CDH13: variants seen among roughly 807,000 people sequenced by gnomAD.
The protein encoded by CDH13 is cadherin-13.
Under a neutral mutation model 63.8 loss-of-function variants are expected in CDH13, and 24 were observed. The observed-to-expected ratio is 0.38, with a 90% CI of 0.27 to 0.53. The LOEUF is 0.53. CDH13 is among the 20% of genes least tolerant of loss of function. CDH13 has a pLI of 0.85. For synonymous variants in CDH13, 503 were observed against 355.3 expected, an observed-to-expected ratio of 1.42 and a Z score of -4.67; for missense variants, 1,049 against 903.1, an observed-to-expected ratio of 1.16 and a Z score of -2.07.
At chr16:83,415,526 G>A (rs1340590530) in intron 6 of CDH13, among the ~76,000 whole-genome samples, 6 of 152,136 alleles carry the variant, frequency 3.9e-5, no homozygotes, top group Non-Finnish European at 7.4e-5. Flanking sequence ...CAAAATACTA[G>A]CAAACTGAAT....
intron 1 of CDH13, among the ~76,000 whole-genome samples, chr16:82,845,507 C>T (rs567934050): frequency 2.0e-5 from 3 of 152,172 alleles, no homozygotes; most frequent in African/African-American, 7.2e-5. Context: ...CCACCAGCAT[C>T]ATCCTCTATT....
chr16:82,777,216 G>A (rs929722680), intron 1 of CDH13, among the ~76,000 whole-genome samples: 7 of 152,086 alleles, frequency 4.6e-5, no homozygotes, highest in African/African-American at 1.7e-4. Flanking sequence ...CAATCCTCTC[G>A]CCTCCACTTT....
chr16:82,788,437 C>T (rs1597583946), intron 1 of CDH13, among the ~76,000 whole-genome samples: 1 of 152,258 alleles, frequency 6.6e-6, no homozygotes, highest in East Asian at 1.9e-4. Context: ...ATGGCCTTGG[C>T]ACATGTTGGG....
At chr16:82,728,368 G>T (rs773018997) in intron 1 of CDH13, among the ~76,000 whole-genome samples, 13 of 151,990 alleles carry the variant, frequency 8.6e-5, no homozygotes, top group Non-Finnish European at 1.6e-4. Flanking sequence ...CACGGTACAG[G>T]CACACCTCAG....
At chr16:83,001,231 C>G (rs922417876) in intron 2 of CDH13, among the ~76,000 whole-genome samples, 1 of 152,254 alleles carries the variant, frequency 6.6e-6, no homozygotes. Flanking sequence ...AAGTAACTTA[C>G]GTTTGCTTCG....
chr16:82,831,557 G>C (rs932649588), intron 1 of CDH13, among the ~76,000 whole-genome samples: 3 of 152,042 alleles, frequency 2.0e-5, no homozygotes, highest in African/African-American at 7.2e-5. Flanking sequence ...GACAATAAAG[G>C]GGCTGAGGTG....
chr16:83,517,394 T>C (rs929387683), intron 7 of CDH13, among the ~76,000 whole-genome samples: 3 of 152,242 alleles, frequency 2.0e-5, no homozygotes, highest in African/African-American at 7.2e-5. Flanking sequence ...GATTCCAACA[T>C]GGGTCTGCTG....
At chr16:83,300,763 A>G (rs2089715232) in intron 5 of CDH13, among the ~76,000 whole-genome samples, 1 of 152,252 alleles carries the variant, frequency 6.6e-6, no homozygotes, top group Non-Finnish European at 1.5e-5. Flanking sequence ...TGCAGTTTAT[A>G]TATGCAGGTT....
At position 83,505,854 on chromosome 16, in the gene CDH13, G is replaced by C. The variant is rs79301885; in HGVS notation, c.960+19199G>C. 4.1e-3 allele frequency among the ~76,000 whole-genome samples: 617 copies of C among 152,286 alleles called. 4 individuals are homozygous for C. Among genetic ancestry groups the C allele is most frequent in the African/African-American group, 0.014 (594 of 41,562 alleles). The stretch of plus-strand genomic sequence containing the variant: ...TCCAGGAAGCAGATTGTGAGCTGCA[G>C]ATATGATGTGATTATTAAAAGCAGC... On this transcript the variant is annotated intron_variant, in intron 7 of 13. Transcript: ENST00000567109.
intron 4 of CDH13, among the ~76,000 whole-genome samples, chr16:83,145,734 C>A (rs6565136): frequency 2.0e-5 from 3 of 151,980 alleles, no homozygotes; most frequent in Non-Finnish European, 2.9e-5. Flanking sequence ...TTACTGAGTA[C>A]TTGTCATTGC....
rs982249201 is a variant in CDH13, at chr16:83,134,231, C to T, written c.483+8730C>T. On this transcript the variant is annotated intron_variant, in intron 4 of 13. Coordinates refer to ENST00000567109, the MANE Select transcript of CDH13 (RefSeq NM_001257.5). ...TCTTTGAGACAGAGTCTCGCTCTGT[C>T]GCCCGGGCTGGAGTGCAGTGGCACA... Among the ~76,000 whole-genome samples the T allele has an allele frequency of 1.1e-4, 16 of 152,162 alleles. No homozygotes were observed. In the East Asian group the frequency reaches 1.9e-3, roughly 18 times the overall value.
chr16:82,861,645 A>C (rs186112136), intron 2 of CDH13, among the ~76,000 whole-genome samples: 3 of 151,786 alleles, frequency 2.0e-5, no homozygotes, highest in African/African-American at 7.3e-5. Context: ...CACTCCTTTT[A>C]TTTCCCTAAT....
chr16:82,636,431 C>A (rs963852136), intron 1 of CDH13, among the ~76,000 whole-genome samples: 8 of 152,164 alleles, frequency 5.3e-5, no homozygotes, highest in African/African-American at 1.9e-4. Context: ...AATAAAGTGA[C>A]CGACGTGCAG....
At chr16:83,455,448 A>C (rs868426216) in intron 6 of CDH13, among the ~76,000 whole-genome samples, 3 of 152,134 alleles carry the variant, frequency 2.0e-5, no homozygotes, top group Non-Finnish European at 4.4e-5. Context: ...TGTTTGGTTT[A>C]GAAGTGGCTT....
intron 6 of CDH13, among the ~76,000 whole-genome samples, chr16:83,483,088 G>A (rs932983572): frequency 6.6e-6 from 1 of 152,212 alleles, no homozygotes; most frequent in African/African-American, 2.4e-5. Flanking sequence ...GGAAACCGAG[G>A]CTCAGAGAGA....
chr16:83,232,553 C>A (rs56776499), intron 5 of CDH13, among the ~76,000 whole-genome samples: 23,119 of 101,638 alleles, frequency 0.23, 4,370 homozygotes, highest in African/African-American at 0.52. Flanking sequence ...AACAAACAAA[C>A]AAAAAAAAAA....
At chr16:83,374,030 A>G (rs1483832331) in intron 6 of CDH13, among the ~76,000 whole-genome samples, 1 of 152,180 alleles carries the variant, frequency 6.6e-6, no homozygotes, top group Non-Finnish European at 1.5e-5. Flanking sequence ...GCCTCTAAGG[A>G]CAGAGGGGAG....
intron 1 of CDH13, among the ~76,000 whole-genome samples, chr16:82,711,238 A>C (rs1045009114): frequency 6.6e-6 from 1 of 152,160 alleles, no homozygotes; most frequent in African/African-American, 2.4e-5. Context: ...TGTTTATGAA[A>C]GATTCTGTTT....
chr16:83,681,368 A>G (rs1363505726), intron 10 of CDH13, among the ~76,000 whole-genome samples: 3 of 152,186 alleles, frequency 2.0e-5, no homozygotes, highest in African/African-American at 7.2e-5. Context: ...GAGTGATGGC[A>G]GGACCAATCC....
Sources: allele counts gnomAD v4.1 joint callset (sites outside exome capture counted in the v4.1 genomes callset), GRCh38; gene constraint gnomAD v4.1.1; transcripts MANE v1.5; gene names NCBI Gene and HGNC (gene_info 2026-07-23, HGNC 2026-07-21).